The following SCN11A variants were observed in gnomAD, a reference collection of about 807,000 sequenced individuals.
SCN11A encodes the protein sodium voltage-gated channel alpha subunit 11.
SCN11A carries 122 observed loss-of-function variants against 162.2 expected under a neutral mutation model. The ratio of observed to expected loss-of-function variants is 0.75; its 90% CI spans 0.65 to 0.87. The LOEUF is 0.87. Ranked by LOEUF, SCN11A falls within the 40% of genes least tolerant of loss-of-function variation. The pLI is 0.00. For synonymous variants in SCN11A, 758 were observed against 751.5 expected (o/e 1.01, Z -0.14); for missense variants, 2,015 against 2,181.6 (o/e 0.92, Z 1.52).
chr3:38,939,694 G>A (rs1263464173), intron 7 of SCN11A, among the ~76,000 whole-genome samples: 2 of 151,960 alleles, frequency 1.3e-5, no homozygotes, highest in Non-Finnish European at 2.9e-5. Context: ...ATCTGAGGTC[G>A]GGAGTTAGAG....
At chr3:39,001,893 TGG>T (rs977933067) in intron 2 of SCN11A, among the ~76,000 whole-genome samples, 3 of 151,934 alleles carry the variant, frequency 2.0e-5, no homozygotes, top group African/African-American at 7.3e-5. Context: ...AAAAATTAGC[TGG>T]GCGTGGTGGC....
At position 38,847,019 on chromosome 3, in the gene SCN11A, T is replaced by C; in HGVS notation, c.5051A>G (p.Asp1684Gly). 1 of 1,614,018 alleles carries C rather than the reference T, an allele frequency of 6.2e-7. No homozygotes were observed. Among genetic ancestry groups the C allele is most frequent in the Non-Finnish European group, 8.5e-7 (1 of 1,180,008 alleles). Residue 1684 changes from aspartate (D) to glycine (G), a missense_variant, in exon 30 of 30, where the codon GAT (aspartate) becomes GGT (glycine). By Grantham distance (94) the Asp-to-Gly change is moderately conservative. Coordinates refer to ENST00000302328, the MANE Select transcript of SCN11A (RefSeq NM_001349253.2). ...CCTAGCGGTGAAGGCGAAAAGAATA[T>C]CCATGCAGTGGAGGCGATCTTCACT... ...MVSEDRLHCMDILFAFTARVL... is the reference protein window; with the variant it reads ...MVSEDRLHCMGILFAFTARVL...
At chr3:38,849,298 C>T (rs1198879933) in intron 29 of SCN11A, 3 of 97,890 alleles carry the variant, frequency 3.1e-5, no homozygotes, top group Non-Finnish European at 5.5e-5. Context: ...CTGTCAATTT[C>T]ACCAAGACTT....
chr3:38,871,368 T>C, intron 25 of SCN11A, 77 bp downstream of exon 25: 1 of 1,394,846 alleles, frequency 7.2e-7, no homozygotes, highest in Non-Finnish European at 9.7e-7. Flanking sequence ...TCACTGCATT[T>C]TTATTAGCTG....
chr3:38,974,473 A>C (rs1006524393), intron 2 of SCN11A, among the ~76,000 whole-genome samples: 2 of 152,136 alleles, frequency 1.3e-5, no homozygotes, highest in Non-Finnish European at 2.9e-5. Context: ...AGGCGGGCAG[A>C]TCACGAGGTC....
intron 2 of SCN11A, among the ~76,000 whole-genome samples, chr3:38,964,621 A>G (rs2066770096): frequency 2.6e-5 from 4 of 152,238 alleles, no homozygotes; most frequent in Admixed American, 2.6e-4. Flanking sequence ...CTAAGAACTC[A>G]ACAGGTGGAG....
intron 2 of SCN11A, among the ~76,000 whole-genome samples, chr3:39,027,035 C>T (rs1402241113): frequency 6.6e-6 from 1 of 152,082 alleles, no homozygotes; most frequent in East Asian, 1.9e-4. Context: ...CTGAAAACAG[C>T]TGGCCCTCCA....
At chr3:38,954,647 C>CA (rs1399365768) in intron 3 of SCN11A, among the ~76,000 whole-genome samples, 9 of 151,642 alleles carry the variant, frequency 5.9e-5, no homozygotes, top group African/African-American at 2.2e-4. Context: ...AACAAACAAA[C>CA]AAACAAAAAA....
intron 2 of SCN11A, among the ~76,000 whole-genome samples, chr3:39,007,066 CAGA>C: frequency 6.6e-6 from 1 of 151,894 alleles, no homozygotes; most frequent in South Asian, 2.1e-4. Context: ...GAAATTTTCC[CAGA>C]ATGGAAAAAC....
At chr3:38,925,349 A>G in intron 9 of SCN11A, 66 bp downstream of exon 9, 1 of 1,137,442 alleles carries the variant, frequency 8.8e-7, no homozygotes, top group Non-Finnish European at 1.3e-6. Flanking sequence ...ACATTTTGAA[A>G]AAATTTAAAT....
At chr3:39,000,141 C>A (rs1404882145) in intron 2 of SCN11A, among the ~76,000 whole-genome samples, 1 of 152,216 alleles carries the variant, frequency 6.6e-6, no homozygotes, top group Admixed American at 6.5e-5. Flanking sequence ...CTTTAAACTT[C>A]ATTTCCAATT....
At chr3:38,880,231 T>G (rs2065287447) in intron 22 of SCN11A, 108 bp from the exon 23 acceptor site, 8 of 716,528 alleles carry the variant, frequency 1.1e-5, no homozygotes, top group African/African-American at 3.6e-5. Context: ...CTGGTATCTC[T>G]CTTCGTAATG....
Position 38,846,360 on chromosome 3 carries a change from C to T in SCN11A, c.*334G>A, listed in dbSNP as rs1257638111. 1 of 237,626 alleles carries T rather than the reference C, an allele frequency of 4.2e-6. No homozygotes were observed. Among genetic ancestry groups the T allele is most frequent in the East Asian group, 9.0e-5 (1 of 11,062 alleles). 14.7% of individuals were successfully genotyped at this position (237,626 alleles called of 1,614,324 possible). Reference sequence around the variant, plus strand: ...ATCTCTTGACCTCGTGATCCACCTGCCTTGGCCTCTCAAAGTGCTGGGATT... The same window carrying T: ...ATCTCTTGACCTCGTGATCCACCTGTCTTGGCCTCTCAAAGTGCTGGGATT... On this transcript the variant is annotated 3_prime_UTR_variant, in exon 30 of 30. Coordinates refer to ENST00000302328, the MANE Select transcript of SCN11A (RefSeq NM_001349253.2).
chr3:39,022,816 T>C lies in SCN11A; in HGVS notation c.-280+9564A>G, dbSNP rs182064678. Among the ~76,000 whole-genome samples the C allele has an allele frequency of 3.3e-5, 5 of 152,008 alleles. No homozygotes were observed. In the East Asian group the frequency reaches 5.8e-4, roughly 18 times the overall value. On this transcript the variant is annotated intron_variant, in intron 2 of 29. Transcript: ENST00000302328. Reference sequence around the variant, plus strand: ...AGATTTTGAGCTCAGGATGCAGAGGTTGCAGTGAGCCCTGATCATGCCATT... The same window carrying C: ...AGATTTTGAGCTCAGGATGCAGAGGCTGCAGTGAGCCCTGATCATGCCATT...
At chr3:39,033,005 A>C (rs925088822) in intron 1 of SCN11A, among the ~76,000 whole-genome samples, 6 of 152,200 alleles carry the variant, frequency 3.9e-5, no homozygotes, top group Admixed American at 1.3e-4. Context: ...TACAAAAATT[A>C]GCCAAGCTAT....
chr3:38,912,800 G>C (rs1295817453), intron 11 of SCN11A, among the ~76,000 whole-genome samples: 2 of 152,152 alleles, frequency 1.3e-5, no homozygotes, highest in Non-Finnish European at 2.9e-5. Context: ...TCCCGCAAAA[G>C]ACATAATCTC....
chr3:38,851,083 T>C (rs565469900), intron 28 of SCN11A, among the ~76,000 whole-genome samples: 18 of 152,342 alleles, frequency 1.2e-4, no homozygotes, highest in African/African-American at 4.1e-4. Context: ...CAGTGCATGT[T>C]GGATTTAATA....
intron 28 of SCN11A, among the ~76,000 whole-genome samples, chr3:38,859,326 A>C (rs1193083478): frequency 6.6e-6 from 1 of 152,186 alleles, no homozygotes; most frequent in East Asian, 1.9e-4. Flanking sequence ...ATTAAAAATG[A>C]TACAGGAGAT....
intron 3 of SCN11A, among the ~76,000 whole-genome samples, chr3:38,958,205 C>G (rs75648546): frequency 0.062 from 9,474 of 152,322 alleles, 332 homozygotes; most frequent in Middle Eastern, 0.092. Context: ...CTCTCACACT[C>G]TGGCTTATGG....
Sources: gnomAD v4.1 joint callset for allele counts (sites outside exome capture counted in the v4.1 genomes callset) on GRCh38, gnomAD v4.1.1 for gene constraint, MANE v1.5 for transcripts, NCBI Gene and HGNC (gene_info 2026-07-23, HGNC 2026-07-21) for gene names.